SGCZ: variants seen among roughly 807,000 people sequenced by gnomAD.
SGCZ encodes sarcoglycan zeta.
Under a neutral mutation model 41.3 loss-of-function variants are expected in SGCZ, and 40 were observed. That is an observed-to-expected ratio of 0.97 (90% confidence interval 0.75 to 1.26). The LOEUF is 1.26. SGCZ is among the 50% of genes most tolerant of loss of function. SGCZ has a pLI of 0.00. For missense variants in SGCZ, 552 were observed against 369.8 expected, an observed-to-expected ratio of 1.49 and a Z score of -4.04; for synonymous variants, 206 against 137.5, an observed-to-expected ratio of 1.50 and a Z score of -3.49.
intron 4 of SGCZ, among the ~76,000 whole-genome samples, chr8:14,166,558 A>G (rs1376911686): frequency 6.6e-6 from 1 of 152,158 alleles, no homozygotes; most frequent in Non-Finnish European, 1.5e-5. Flanking sequence ...TAAAACCTCA[A>G]TATTTACAGT....
chr8:14,642,409 C>T (rs1351903414), intron 1 of SGCZ, among the ~76,000 whole-genome samples: 1 of 151,338 alleles, frequency 6.6e-6, no homozygotes, highest in African/African-American at 2.4e-5. Flanking sequence ...AATCTCTTTC[C>T]TTATTGATGA....
intron 1 of SGCZ, among the ~76,000 whole-genome samples, chr8:15,002,159 T>C (rs1802448450): frequency 6.6e-6 from 1 of 151,406 alleles, no homozygotes; most frequent in Non-Finnish European, 1.5e-5. Flanking sequence ...CCATAAATAT[T>C]ATTGACAATG....
chr8:15,199,705 G>A (rs1048893511), intron 1 of SGCZ, among the ~76,000 whole-genome samples: 7 of 152,090 alleles, frequency 4.6e-5, no homozygotes, highest in Admixed American at 1.3e-4. Context: ...GTAGAAATTA[G>A]TAATTACAAT....
At chr8:14,452,856 A>C (rs1343393316) in intron 2 of SGCZ, among the ~76,000 whole-genome samples, 2 of 152,084 alleles carry the variant, frequency 1.3e-5, no homozygotes, top group African/African-American at 4.8e-5. Flanking sequence ...AAATCCCAGC[A>C]CCTTGGGAGG....
chr8:14,090,466 T>TA lies in SGCZ; in HGVS notation c.915dup (p.Ser306Ter). 1 of 1,612,762 alleles carries TA rather than the reference T, an allele frequency of 6.2e-7. No homozygotes were observed. Among genetic ancestry groups the TA allele is most frequent in the Non-Finnish European group, 8.5e-7 (1 of 1,179,234 alleles). Reference sequence around the variant, plus strand: ...CTTCAGCTCCACAGGCAGATGTTGCTACTGGACTGACAAGTGGAACCTACT... The same window carrying TA: ...CTTCAGCTCCACAGGCAGATGTTGCTAACTGGACTGACAAGTGGAACCTACT... On this transcript the variant is annotated frameshift_variant, in exon 8 of 8. Coordinates refer to ENST00000382080, the MANE Select transcript of SGCZ (RefSeq NM_139167.4). LOFTEE classifies it high-confidence loss of function.
intron 2 of SGCZ, among the ~76,000 whole-genome samples, chr8:14,525,338 G>A (rs1802915107): frequency 2.0e-5 from 3 of 152,010 alleles, no homozygotes; most frequent in African/African-American, 7.2e-5. Context: ...TGTGTTCCTG[G>A]ACTAAAAATA....
chr8:14,482,539 CTTGA>C (rs1049321589), intron 2 of SGCZ, among the ~76,000 whole-genome samples: 13 of 152,070 alleles, frequency 8.5e-5, no homozygotes, highest in African/African-American at 3.1e-4. Context: ...TCTTTTCTTG[CTTGA>C]TTAAGACGGG....
At chr8:15,079,376 A>G (rs1805659941) in intron 1 of SGCZ, among the ~76,000 whole-genome samples, 1 of 151,892 alleles carries the variant, frequency 6.6e-6, no homozygotes, top group African/African-American at 2.4e-5. Context: ...TCAGTCCTAT[A>G]TTTTTTTCTT....
At chr8:14,592,594 C>CA (rs35874655) in intron 1 of SGCZ, among the ~76,000 whole-genome samples, 40 of 149,350 alleles carry the variant, frequency 2.7e-4, no homozygotes, top group East Asian at 1.6e-3. Context: ...TTTCCTTATT[C>CA]AAAAAAAAAA....
intron 1 of SGCZ, among the ~76,000 whole-genome samples, chr8:14,606,198 C>T (rs1038359740): frequency 6.6e-6 from 1 of 151,882 alleles, no homozygotes; most frequent in Non-Finnish European, 1.5e-5. Flanking sequence ...TACATATTGC[C>T]CCATGACCTC....
intron 1 of SGCZ, among the ~76,000 whole-genome samples, chr8:14,632,087 C>A (rs1433183737): frequency 2.0e-5 from 3 of 152,038 alleles, no homozygotes; most frequent in African/African-American, 7.2e-5. Context: ...GGCACAATCA[C>A]AGCTCATTGC....
At chr8:14,405,874 AG>A (rs34487074) in intron 2 of SGCZ, among the ~76,000 whole-genome samples, 20,402 of 152,074 alleles carry the variant, frequency 0.13, 2,998 homozygotes, top group African/African-American at 0.36. Context: ...TGTTTCAAAA[AG>A]GTTTTTCTCT....
At chr8:14,391,492 A>C (rs1804770823) in intron 2 of SGCZ, among the ~76,000 whole-genome samples, 1 of 152,100 alleles carries the variant, frequency 6.6e-6, no homozygotes, top group African/African-American at 2.4e-5. Context: ...CCGGCCCATA[A>C]GGACTACTGA....
At chr8:14,892,009 G>A (rs1180063640) in intron 1 of SGCZ, among the ~76,000 whole-genome samples, 1 of 152,122 alleles carries the variant, frequency 6.6e-6, no homozygotes, top group Non-Finnish European at 1.5e-5. Context: ...ACATGCACTG[G>A]GCAACCAACA....
chr8:14,726,003 A>T (rs1423468631), intron 1 of SGCZ, among the ~76,000 whole-genome samples: 1 of 152,068 alleles, frequency 6.6e-6, no homozygotes, highest in East Asian at 1.9e-4. Context: ...TCACGCCTGT[A>T]ATCCCAGCAC....
intron 1 of SGCZ, among the ~76,000 whole-genome samples, chr8:15,036,157 A>C (rs890844446): frequency 6.6e-5 from 10 of 152,144 alleles, no homozygotes; most frequent in African/African-American, 2.4e-4. Context: ...ATGTTACACT[A>C]ATACTACAGA....
At chr8:14,237,727 A>G (rs1307792104) in intron 3 of SGCZ, 48 bp from the exon 4 acceptor site, 1 of 1,528,566 alleles carries the variant, frequency 6.5e-7, no homozygotes, top group Middle Eastern at 1.7e-4. Flanking sequence ...AAATATCGTC[A>G]AATTTACAAA....
chr8:14,322,792 T>C (rs1801969966), intron 3 of SGCZ, among the ~76,000 whole-genome samples: 1 of 152,144 alleles, frequency 6.6e-6, no homozygotes. Context: ...TTCCTTCAAA[T>C]ACTGCATTAT....
intron 4 of SGCZ, among the ~76,000 whole-genome samples, chr8:14,210,703 G>T (rs1281578535): frequency 4.6e-5 from 7 of 151,896 alleles, no homozygotes; most frequent in African/African-American, 1.7e-4. Context: ...CTGACCTCAG[G>T]TGATCCGCTT....
Sources: gnomAD v4.1 joint callset for allele counts (sites outside exome capture counted in the v4.1 genomes callset) on GRCh38, gnomAD v4.1.1 for gene constraint, MANE v1.5 for transcripts, NCBI Gene and HGNC (gene_info 2026-07-23, HGNC 2026-07-21) for gene names.